ANO4: variants seen among roughly 807,000 people sequenced by gnomAD.
ANO4 encodes anoctamin 4.
Under a neutral mutation model 141.9 loss-of-function variants are expected in ANO4, and 69 were observed. That is an observed-to-expected ratio of 0.49 (90% CI 0.40 to 0.59). The LOEUF (loss-of-function observed/expected upper bound fraction) is 0.59, where lower values mean the gene tolerates loss of function less well. Ranked by LOEUF, ANO4 falls within the 20% of genes least tolerant of loss-of-function variation. ANO4 has a pLI of 0.00. For synonymous variants in ANO4, 350 were observed against 394.3 expected (o/e 0.89, Z 1.33); for missense variants, 894 against 1,162.2 (o/e 0.77, Z 3.36).
intron 1 of ANO4, among the ~76,000 whole-genome samples, chr12:100,864,845 A>G (rs1172965494): frequency 2.6e-5 from 4 of 151,886 alleles, no homozygotes; most frequent in Non-Finnish European, 5.9e-5. Context: ...CTAACCCCCG[A>G]CACCCTGACA....
chr12:100,976,464 C>T (rs2044199173), intron 7 of ANO4, among the ~76,000 whole-genome samples: 1 of 152,236 alleles, frequency 6.6e-6, no homozygotes, highest in Non-Finnish European at 1.5e-5. Context: ...TACCTTGTCA[C>T]ACTGTAATCA....
At chr12:100,881,135 G>T (rs1471681620) in intron 1 of ANO4, among the ~76,000 whole-genome samples, 2 of 151,300 alleles carry the variant, frequency 1.3e-5, no homozygotes, top group Non-Finnish European at 2.9e-5. Flanking sequence ...GGACTGTTTT[G>T]GGGTGGGGGG....
chr12:100,790,905 C>T (rs1187290195), upstream of ANO4, among the ~76,000 whole-genome samples: 1 of 152,182 alleles, frequency 6.6e-6, no homozygotes, highest in South Asian at 2.1e-4. Context: ...GAAACATTAG[C>T]AGTTCAACCT....
At chr12:101,040,869 T>C (rs750449845) in intron 11 of ANO4, among the ~76,000 whole-genome samples, 9 of 152,098 alleles carry the variant, frequency 5.9e-5, no homozygotes, top group African/African-American at 2.4e-5. Context: ...TTTTCTGATC[T>C]TATGATAGTT....
intron 1 of ANO4, among the ~76,000 whole-genome samples, chr12:100,797,588 G>T (rs1289443500): frequency 6.6e-6 from 1 of 151,926 alleles, no homozygotes; most frequent in African/African-American, 2.4e-5. Context: ...GCAAATTGAA[G>T]TTATTTAAAA....
chr12:100,753,621 C>T (rs754343791), intron 3 of ANO4, among the ~76,000 whole-genome samples: 10 of 152,196 alleles, frequency 6.6e-5, no homozygotes, highest in Non-Finnish European at 1.2e-4. Context: ...ACCCTAGCTA[C>T]AGGCAAAATT....
intron 9 of ANO4, among the ~76,000 whole-genome samples, chr12:101,030,892 T>C (rs2046947698): frequency 6.6e-6 from 1 of 152,096 alleles, no homozygotes; most frequent in Non-Finnish European, 1.5e-5. Flanking sequence ...CAGGAAGAAG[T>C]TGAATCCCTG....
intron 2 of ANO4, among the ~76,000 whole-genome samples, chr12:100,736,638 T>A (rs2031631199): frequency 6.6e-6 from 1 of 152,180 alleles, no homozygotes; most frequent in South Asian, 2.1e-4. Context: ...TACCTGTGAT[T>A]GTGACTGTAT....
chr12:101,085,715 A>G (rs886497011), intron 16 of ANO4, among the ~76,000 whole-genome samples: 3 of 152,160 alleles, frequency 2.0e-5, no homozygotes, highest in Non-Finnish European at 4.4e-5. Context: ...TCAGGGAAAC[A>G]TGCTTCAGTC....
intron 1 of ANO4, among the ~76,000 whole-genome samples, chr12:100,795,786 TAGAATGG>T (rs1465446473): frequency 6.6e-6 from 1 of 152,192 alleles, no homozygotes; most frequent in Non-Finnish European, 1.5e-5. Context: ...TTGAGGTTAT[TAGAATGG>T]TTAGACTTTT....
chr12:100,892,452 C>G (rs1003218774), intron 1 of ANO4, among the ~76,000 whole-genome samples: 4 of 152,202 alleles, frequency 2.6e-5, no homozygotes, highest in Non-Finnish European at 5.9e-5. Flanking sequence ...CTTAGCTAAT[C>G]TCCCAGGGAC....
chr12:101,026,719 C>G (rs1428727989), intron 9 of ANO4, among the ~76,000 whole-genome samples: 3 of 152,042 alleles, frequency 2.0e-5, no homozygotes, highest in African/African-American at 7.2e-5. Context: ...TTTAGGAAAA[C>G]TCGTATACAA....
intron 4 of ANO4, 97 bp from the exon 5 acceptor site, chr12:100,942,280 G>GA (rs1223916985): frequency 2.1e-6 from 3 of 1,445,148 alleles, no homozygotes; most frequent in Non-Finnish European, 2.8e-6. Flanking sequence ...CACCCGAACT[G>GA]AAAAAAGTTA....
chr12:100,775,759 A>G lies in ANO4; in HGVS notation c.358+35654A>G, dbSNP rs570634778. On this transcript the variant is annotated intron_variant, in intron 3 of 29. Coordinates refer to the ANO4 transcript ENST00000644049. Reference sequence around the variant, plus strand: ...CCACTCCAAGGCTAGAAGTGATGCCACTAACACCTAGTCCAGATTTTTTCT... The same window carrying G: ...CCACTCCAAGGCTAGAAGTGATGCCGCTAACACCTAGTCCAGATTTTTTCT... 3.0e-4 allele frequency among the ~76,000 whole-genome samples: 46 copies of G among 152,298 alleles called. No homozygotes were observed. The South Asian group carries it at 6.0e-3, about 20-fold the overall frequency.
At chr12:100,808,318 A>G (rs188023607) in intron 1 of ANO4, among the ~76,000 whole-genome samples, 126 of 152,282 alleles carry the variant, frequency 8.3e-4, no homozygotes, top group African/African-American at 2.9e-3. Context: ...AATGATGTCA[A>G]GCTTTTTTTC....
At chr12:101,114,394 C>T (rs953369947) in intron 24 of ANO4, among the ~76,000 whole-genome samples, 1 of 152,204 alleles carries the variant, frequency 6.6e-6, no homozygotes, top group Non-Finnish European at 1.5e-5. Flanking sequence ...CAGCTGATAA[C>T]TGTGTGTTCC....
chr12:100,874,364 A>C (rs1304631718), intron 1 of ANO4, among the ~76,000 whole-genome samples: 1 of 152,214 alleles, frequency 6.6e-6, no homozygotes, highest in Admixed American at 6.5e-5. Context: ...CAGGCAATCT[A>C]TACCAATCCT....
chr12:101,082,986 C>G (rs2049346586), intron 15 of ANO4, among the ~76,000 whole-genome samples: 1 of 152,138 alleles, frequency 6.6e-6, no homozygotes, highest in Non-Finnish European at 1.5e-5. Context: ...TTTTCACATT[C>G]AGGAGGCTCA....
intron 24 of ANO4, among the ~76,000 whole-genome samples, chr12:101,112,293 A>G (rs2137021537): frequency 6.6e-6 from 1 of 152,310 alleles, no homozygotes; most frequent in East Asian, 1.9e-4. Context: ...GAGTGGACTA[A>G]ACTCCTTGGG....
Sources: gnomAD v4.1 joint callset for allele counts (sites outside exome capture counted in the v4.1 genomes callset) on GRCh38, gnomAD v4.1.1 for gene constraint, MANE v1.5 for transcripts, NCBI Gene and HGNC (gene_info 2026-07-23, HGNC 2026-07-21) for gene names.